SHROOM4: variants seen among roughly 807,000 people sequenced by gnomAD.
SHROOM4 encodes the protein shroom family member 4.
SHROOM4 carries 17 observed loss-of-function variants against 80.3 expected under a neutral mutation model. The ratio of observed to expected loss-of-function variants is 0.21; its 90% CI spans 0.14 to 0.32. SHROOM4 has a LOEUF of 0.32. Ranked by LOEUF, SHROOM4 falls within the 10% of genes least tolerant of loss-of-function variation. The pLI is 1.00. For missense variants in SHROOM4, 993 were observed against 1,140.3 expected (o/e 0.87, Z 1.86); for synonymous variants, 400 against 437.5 (o/e 0.91, Z 1.07).
chrX:50,705,187 A>G (rs1557263856), intron 1 of SHROOM4, among the ~76,000 whole-genome samples: 1 of 111,738 alleles, frequency 8.9e-6, no homozygotes, highest in African/African-American at 3.3e-5. Flanking sequence ...ATCATGACTG[A>G]GAAATGACAC....
At chrX:50,767,444 T>A (rs1935301249) in intron 1 of SHROOM4, among the ~76,000 whole-genome samples, 1 of 110,587 alleles carries the variant, frequency 9.0e-6, no homozygotes, top group African/African-American at 3.3e-5. Context: ...GTAAACTACC[T>A]CCTCAAACCC....
chrX:50,650,326 CCA>C (rs1557258495), intron 2 of SHROOM4, among the ~76,000 whole-genome samples: 1 of 111,707 alleles, frequency 9.0e-6, no homozygotes, highest in Non-Finnish European at 1.9e-5. Flanking sequence ...ATTTTATACA[CCA>C]CACATGTATT....
intron 1 of SHROOM4, among the ~76,000 whole-genome samples, chrX:50,701,602 T>C (rs1933518452): frequency 8.9e-6 from 1 of 112,003 alleles, no homozygotes; most frequent in Non-Finnish European, 1.9e-5. Flanking sequence ...GGAACTTCTG[T>C]TTATATATCT....
chrX:50,653,097 C>A lies in SHROOM4; in HGVS notation c.270-14789G>T, dbSNP rs1336366537. Among the ~76,000 whole-genome samples the A allele has an allele frequency of 8.1e-5, 9 of 111,568 alleles. No homozygotes were observed. In the Admixed American group the frequency reaches 8.6e-4, roughly 11 times the overall value. ...AAATTTAAAGTACGTTTTTCTAATT[C>A]TGTGAAGAAAGTCAATGGTAACTTG... On this transcript the variant is annotated intron_variant, in intron 2 of 8. Coordinates refer to ENST00000376020, the MANE Select transcript of SHROOM4 (RefSeq NM_020717.5).
chrX:50,698,481 G>A (rs1380162920), intron 1 of SHROOM4, among the ~76,000 whole-genome samples: 2 of 111,778 alleles, frequency 1.8e-5, no homozygotes, highest in Non-Finnish European at 3.8e-5. Flanking sequence ...CAAGAGTTCA[G>A]AAGGGTCCAG....
chrX:50,590,471 C>T lies in SHROOM4; in HGVS notation c.*6224G>A, dbSNP rs1386574165. 2.7e-5 allele frequency among the ~76,000 whole-genome samples: 3 copies of T among 110,853 alleles called. No individual in the cohort carries two copies. The highest frequency in any genetic ancestry group is 9.9e-5 in the African/African-American group (3 of 30,416). On this transcript the variant is annotated 3_prime_UTR_variant, in exon 9 of 9. Coordinates refer to ENST00000376020, the MANE Select transcript of SHROOM4 (RefSeq NM_020717.5). Reference sequence around the variant, plus strand: ...TTCACCGTGTTAGCCAGGATGGTTGCGATCTCCTGACCTCCTGATCCGCCC... The same window carrying T: ...TTCACCGTGTTAGCCAGGATGGTTGTGATCTCCTGACCTCCTGATCCGCCC...
At chrX:50,752,251 T>G (rs1934938660) in intron 1 of SHROOM4, among the ~76,000 whole-genome samples, 1 of 112,038 alleles carries the variant, frequency 8.9e-6, no homozygotes, top group African/African-American at 3.2e-5. Context: ...CACTTCCTAT[T>G]CTGACAGAGA....
rs1557245185 is a variant in SHROOM4 at position 50,589,784 on chromosome X, G to A, written c.*6911C>T. On this transcript the variant is annotated 3_prime_UTR_variant, in exon 9 of 9. Transcript: ENST00000376020. ...GAACACCTGTTTCCAATTCTCTTGG[G>A]TATATACCTAGGGATGGAATTGCTA... 9.0e-6 allele frequency among the ~76,000 whole-genome samples: 1 copy of A among 111,726 alleles called. No homozygotes were observed. The highest frequency in any genetic ancestry group is 3.3e-5 in the African/African-American group (1 of 30,720).
At chrX:50,653,527 T>G in intron 2 of SHROOM4, among the ~76,000 whole-genome samples, 1 of 111,957 alleles carries the variant, frequency 8.9e-6, no homozygotes, top group Middle Eastern at 4.6e-3. Flanking sequence ...ACAATTTGAC[T>G]TCCTCTCTTT....
At chrX:50,586,177 T>G (rs1254951742), downstream of SHROOM4, among the ~76,000 whole-genome samples, 1 of 112,122 alleles carries the variant, frequency 8.9e-6, no homozygotes, top group African/African-American at 3.2e-5. Context: ...AAGTTATCAT[T>G]TATTGTATCT....
intron 5 of SHROOM4, among the ~76,000 whole-genome samples, chrX:50,618,361 T>G (rs1433080591): frequency 4.6e-5 from 1 of 21,602 alleles, no homozygotes; most frequent in Non-Finnish European, 8.0e-5. Flanking sequence ...CCTTCCTTCC[T>G]TCCTTCCTTC....
chrX:50,748,253 C>T (rs1226476622), intron 1 of SHROOM4, among the ~76,000 whole-genome samples: 2 of 111,637 alleles, frequency 1.8e-5, no homozygotes, highest in African/African-American at 6.5e-5. Context: ...GGAAAACTGA[C>T]ATATGGGGAA....
At chrX:50,760,263 GTT>G (rs1456382788) in intron 1 of SHROOM4, among the ~76,000 whole-genome samples, 1 of 105,975 alleles carries the variant, frequency 9.4e-6, no homozygotes, top group Admixed American at 1.0e-4. Flanking sequence ...TATTTAATAT[GTT>G]TGTTATATTT....
At chrX:50,648,201 G>T (rs1224889729) in intron 2 of SHROOM4, among the ~76,000 whole-genome samples, 3 of 111,590 alleles carry the variant, frequency 2.7e-5, no homozygotes, top group African/African-American at 9.8e-5. Context: ...AAGAACAAGA[G>T]ATTTGATTAG....
chrX:50,750,146 A>C (rs782172238), intron 1 of SHROOM4, among the ~76,000 whole-genome samples: 1 of 112,182 alleles, frequency 8.9e-6, no homozygotes, highest in African/African-American at 3.2e-5. Flanking sequence ...TTACCATGAA[A>C]TCCTGAGACC....
intron 7 of SHROOM4, among the ~76,000 whole-genome samples, chrX:50,601,148 CA>C (rs1443848344): frequency 8.9e-6 from 1 of 112,092 alleles, no homozygotes; most frequent in Non-Finnish European, 1.9e-5. Flanking sequence ...TGGGACATCG[CA>C]AATTGGTGAC....
chrX:50,621,134 T>C (rs782642691), intron 5 of SHROOM4, among the ~76,000 whole-genome samples: 79 of 112,251 alleles, frequency 7.0e-4, no homozygotes, highest in African/African-American at 2.4e-3. Context: ...GTATGTGATA[T>C]GAATCTAAGT....
At chrX:50,672,998 A>T (rs1557260961) in intron 2 of SHROOM4, among the ~76,000 whole-genome samples, 2 of 111,629 alleles carry the variant, frequency 1.8e-5, no homozygotes, top group Non-Finnish European at 3.8e-5. Flanking sequence ...CAAAACTAAC[A>T]GCATTCACCA....
intron 1 of SHROOM4, among the ~76,000 whole-genome samples, chrX:50,762,202 T>C (rs782456224): frequency 5.3e-5 from 6 of 112,180 alleles, no homozygotes; most frequent in South Asian, 3.7e-4. Flanking sequence ...ACTATACTTA[T>C]AAAGTTTTAT....
Sources: allele counts gnomAD v4.1 joint callset (sites outside exome capture counted in the v4.1 genomes callset), GRCh38; gene constraint gnomAD v4.1.1; transcripts MANE v1.5; gene names NCBI Gene and HGNC (gene_info 2026-07-23, HGNC 2026-07-21).